The following KIRREL3 variants were observed in gnomAD, a reference collection of about 807,000 sequenced individuals.
KIRREL3 encodes the protein kin of IRRE-like protein 3.
A neutral mutation model predicts 89.7 loss-of-function variants in KIRREL3; 36 were observed. That is an observed-to-expected ratio of 0.40 (90% CI 0.31 to 0.53). KIRREL3 has a LOEUF of 0.53. Ranked by LOEUF, KIRREL3 falls within the 20% of genes least tolerant of loss-of-function variation. The pLI is 0.49. For synonymous variants in KIRREL3, 445 were observed against 441.4 expected, an observed-to-expected ratio of 1.01 and a Z score of -0.10; for missense variants, 864 against 1,056.6, an observed-to-expected ratio of 0.82 and a Z score of 2.53.
intron 1 of KIRREL3, among the ~76,000 whole-genome samples, chr11:126,583,468 C>T (rs577138940): frequency 6.6e-6 from 1 of 152,250 alleles, no homozygotes; most frequent in East Asian, 1.9e-4. Context: ...GGCCTCAGCA[C>T]GAGCACCAGG....
rs1327024770 is a variant in KIRREL3 at position 126,896,667 on chromosome 11, A to T, written c.55+103788T>A. 6.6e-6 allele frequency among the ~76,000 whole-genome samples: 1 copy of T among 152,072 alleles called. No individual in the cohort carries two copies. Among genetic ancestry groups the T allele is most frequent in the Non-Finnish European group, 1.5e-5 (1 of 68,020 alleles). Reference sequence around the variant, plus strand: ...AGACCGAGGGAATGGCTGGGACTTTAATTCTTTTGAGGGCCGTTGCTCTTC... The same window carrying T: ...AGACCGAGGGAATGGCTGGGACTTTTATTCTTTTGAGGGCCGTTGCTCTTC... On this transcript the variant is annotated intron_variant, in intron 1 of 16. Coordinates refer to ENST00000525144, the MANE Select transcript of KIRREL3 (RefSeq NM_032531.4). This position sits in a 1 kb window ranked among gnomAD's most constrained non-coding sequence, Gnocchi z 4.1.
chr11:126,431,286 C>T lies in KIRREL3; in HGVS notation c.1696+133G>A. ...CATACACCGATGCATCAGACCCACT[C>T]CCTGCCCCAGGAGCTCACAGCACTG... On this transcript the variant is annotated intron_variant, in intron 14 of 16. Transcript: ENST00000525144. This position sits in a 1 kb window ranked among gnomAD's most constrained non-coding sequence, Gnocchi z 7.1. 1.3e-6 allele frequency: 2 copies of T among 1,550,492 alleles called. No homozygotes were observed. The highest frequency in any genetic ancestry group is 3.3e-4 in the Middle Eastern group (2 of 5,986).
chr11:126,898,727 G>T lies in KIRREL3; in HGVS notation c.55+101728C>A, dbSNP rs961120002. ...GGGGTAAAGGAAGGGAAATGGAAGTGAGGACCAGAGACGAAGATGGAAAAT... is the reference window on the plus strand; with the variant it reads ...GGGGTAAAGGAAGGGAAATGGAAGTTAGGACCAGAGACGAAGATGGAAAAT... On this transcript the variant is annotated intron_variant, in intron 1 of 16. Coordinates refer to ENST00000525144, the MANE Select transcript of KIRREL3 (RefSeq NM_032531.4). The surrounding 1 kb of genome is among the most constrained non-coding windows in gnomAD (Gnocchi z 4.9). Among the ~76,000 whole-genome samples the T allele has an allele frequency of 6.6e-6, 1 of 152,140 alleles. No individual in the cohort carries two copies. Among genetic ancestry groups the T allele is most frequent in the African/African-American group, 2.4e-5 (1 of 41,414 alleles).
chr11:126,450,528 TATGTGTGCATGTGTGTCAATGTGC>T (rs1388196398), intron 7 of KIRREL3, among the ~76,000 whole-genome samples: 2 of 150,406 alleles, frequency 1.3e-5, no homozygotes, highest in East Asian at 4.0e-4. Context: ...TGCATCTGCG[TATGTGTGCATGTGTGTCAATGTGC>T]ATGTGTGCAT....
At chr11:126,820,636 G>A (rs1750042559) in intron 1 of KIRREL3, among the ~76,000 whole-genome samples, 1 of 152,112 alleles carries the variant, frequency 6.6e-6, no homozygotes, top group South Asian at 2.1e-4. Flanking sequence ...ATTCAGGCCT[G>A]GAAGGATGGA....
chr11:126,425,054 C>G, intron 16 of KIRREL3, 31 bp from the exon 17 acceptor site: 1 of 1,479,050 alleles, frequency 6.8e-7, no homozygotes, highest in Non-Finnish European at 9.0e-7. Context: ...GGAGCGTCAC[C>G]TGGTGGAGTC....
In KIRREL3 at chr11:126,544,708, A is replaced by G. The variant is rs12574352; in HGVS notation, c.134-18021T>C. Among the ~76,000 whole-genome samples the G allele has an allele frequency of 0.12, 18,362 of 152,110 alleles. 1,895 individuals are homozygous for G. Among genetic ancestry groups the G allele is most frequent in the African/African-American group, 0.28 (11,535 of 41,448 alleles). ...TTTTTGTATCTGGGCCAGTGGGTGG[A>G]GAGTGCAGGGAGCTGTCCTTGGTTG... On this transcript the variant is annotated intron_variant, in intron 2 of 16. Transcript: ENST00000525144. The surrounding 1 kb of genome is among the most constrained non-coding windows in gnomAD (Gnocchi z 5.6).
In KIRREL3 at chr11:126,924,744, C is replaced by T. The variant is rs1273489598; in HGVS notation, c.55+75711G>A. On this transcript the variant is annotated intron_variant, in intron 1 of 16. Transcript: ENST00000525144. The surrounding 1 kb of genome is among the most constrained non-coding windows in gnomAD (Gnocchi z 4.7). The stretch of plus-strand genomic sequence containing the variant: ...CACCCTGGCTTCTGCCATTGCTTGG[C>T]CAAGGTGATTAACTGGATGCCTGCT... 6.6e-6 allele frequency among the ~76,000 whole-genome samples: 1 copy of T among 152,164 alleles called. No individual in the cohort carries two copies. The highest frequency in any genetic ancestry group is 1.5e-5 in the Non-Finnish European group (1 of 68,038).
At position 126,521,522 on chromosome 11, in the gene KIRREL3, C is replaced by A; in HGVS notation, c.284-58G>T. The A allele has an allele frequency of 6.8e-7, 1 of 1,474,368 alleles. No individual in the cohort carries two copies. Among genetic ancestry groups the A allele is most frequent in the South Asian group, 1.3e-5 (1 of 79,524 alleles). 91.3% of individuals were successfully genotyped at this position (1,474,368 alleles called of 1,614,324 possible). On this transcript the variant is annotated intron_variant, in intron 3 of 16. Transcript: ENST00000525144. This position sits in a 1 kb window ranked among gnomAD's most constrained non-coding sequence, Gnocchi z 4.1. ...GGTGGGGTGGAGGGGACACCCATGA[C>A]AAAGAGGCACAGAATGGAGGACCCA...
chr11:126,882,660 C>T (rs1009952142), intron 1 of KIRREL3, among the ~76,000 whole-genome samples: 31 of 152,202 alleles, frequency 2.0e-4, no homozygotes, highest in African/African-American at 1.2e-4. Context: ...ACAAATGTTG[C>T]AAAGGCAAGA....
At chr11:126,649,627 G>A (rs1944829884) in intron 1 of KIRREL3, among the ~76,000 whole-genome samples, 1 of 152,178 alleles carries the variant, frequency 6.6e-6, no homozygotes, top group Admixed American at 6.5e-5. Flanking sequence ...TGATGCAAGA[G>A]GTGGGTTCCC....
At position 126,989,955 on chromosome 11, in the gene KIRREL3, C is replaced by T. The variant is rs747190637; in HGVS notation, c.55+10500G>A. ...GCCCAGGAGATCAGGAATAATGAAG[C>T]CTCATTTTAGCATCTGTTTGTTTTG... On this transcript the variant is annotated intron_variant, in intron 1 of 16. Coordinates refer to ENST00000525144, the MANE Select transcript of KIRREL3 (RefSeq NM_032531.4). The surrounding 1 kb of genome is among the most constrained non-coding windows in gnomAD (Gnocchi z 6.2). Among the ~76,000 whole-genome samples, 1 of 152,154 alleles carries T rather than the reference C, an allele frequency of 6.6e-6. No homozygotes were observed. Among genetic ancestry groups the T allele is most frequent in the Non-Finnish European group, 1.5e-5 (1 of 68,034 alleles).
chr11:126,914,437 G>A (rs1194987982), intron 1 of KIRREL3, among the ~76,000 whole-genome samples: 1 of 152,240 alleles, frequency 6.6e-6, no homozygotes, highest in Non-Finnish European at 1.5e-5. Flanking sequence ...ATTACAGAGA[G>A]TGCAGAATCC....
chr11:126,430,194 C>T lies in KIRREL3; in HGVS notation c.1697-906G>A, dbSNP rs1181410611. Among the ~76,000 whole-genome samples, 1 of 151,942 alleles carries T rather than the reference C, an allele frequency of 6.6e-6. No homozygotes were observed. The highest frequency in any genetic ancestry group is 1.5e-5 in the Non-Finnish European group (1 of 67,996). On this transcript the variant is annotated intron_variant, in intron 14 of 16. Transcript: ENST00000525144. The surrounding 1 kb of genome is among the most constrained non-coding windows in gnomAD (Gnocchi z 6.6). The stretch of plus-strand genomic sequence containing the variant: ...GTGCGGTGGCTCACGCCTGTAATCC[C>T]AGCACATTGGGAGGCCGAGGAAGGC...
intron 1 of KIRREL3, among the ~76,000 whole-genome samples, chr11:126,672,237 C>A (rs1408061104): frequency 6.6e-6 from 1 of 152,122 alleles, no homozygotes; most frequent in African/African-American, 2.4e-5. Context: ...ATTATTGGCT[C>A]AGTTGGACTT....
rs569521260 is a variant in KIRREL3, at chr11:126,912,543, A to G, written c.55+87912T>C. Among the ~76,000 whole-genome samples, 1 of 152,310 alleles carries G rather than the reference A, an allele frequency of 6.6e-6. No individual in the cohort carries two copies. The highest frequency in any genetic ancestry group is 1.9e-4 in the East Asian group (1 of 5,178). On this transcript the variant is annotated intron_variant, in intron 1 of 16. Transcript: ENST00000525144. The surrounding 1 kb of genome is among the most constrained non-coding windows in gnomAD (Gnocchi z 4.7). Reference sequence around the variant, plus strand: ...TCACCTACAAAACAAGCAACCCACCATGAGCTGTGAGATGGAAATAACTCA... The same window carrying G: ...TCACCTACAAAACAAGCAACCCACCGTGAGCTGTGAGATGGAAATAACTCA...
At chr11:126,447,868 TA>T (rs1955882560) in intron 8 of KIRREL3, among the ~76,000 whole-genome samples, 1 of 152,186 alleles carries the variant, frequency 6.6e-6, no homozygotes, top group Non-Finnish European at 1.5e-5. Context: ...TTCAAGTTTG[TA>T]AAAGCAAGTT....
At chr11:126,920,303 T>A (rs1188365680) in intron 1 of KIRREL3, 1 of 152,408 alleles carries the variant, frequency 6.6e-6, no homozygotes, top group African/African-American at 2.4e-5. Context: ...CATCTTTAGA[T>A]CCCAAGAAAT....
In KIRREL3 at chr11:126,904,418, G is replaced by T. The variant is rs1251130169; in HGVS notation, c.55+96037C>A. Among the ~76,000 whole-genome samples the T allele has an allele frequency of 6.6e-6, 1 of 152,120 alleles. No homozygotes were observed. The stretch of plus-strand genomic sequence containing the variant: ...GACTGCAATAAGACTGATCACTAGT[G>T]GGGATAGTGCAACTGATAAAAGGAA... On this transcript the variant is annotated intron_variant, in intron 1 of 16. Transcript: ENST00000525144. The surrounding 1 kb of genome is among the most constrained non-coding windows in gnomAD (Gnocchi z 4.4).
Sources: allele counts gnomAD v4.1 joint callset (sites outside exome capture counted in the v4.1 genomes callset), GRCh38; gene constraint gnomAD v4.1.1; non-coding constraint Gnocchi (gnomAD v3.1); transcripts MANE v1.5; gene names NCBI Gene and HGNC (gene_info 2026-07-23, HGNC 2026-07-21).